WDR44: variants seen among roughly 807,000 people sequenced by gnomAD.
WDR44 encodes the protein WD repeat-containing protein 44.
In WDR44, 9 loss-of-function variants were observed where a neutral mutation model predicts 65.7. That is an observed-to-expected ratio of 0.14 (90% CI 0.08 to 0.24). The LOEUF is 0.24. Ranked by LOEUF, WDR44 falls within the 10% of genes least tolerant of loss-of-function variation. The probability of loss-of-function intolerance (pLI) is 1.00; values close to 1 mark genes in which losing one functional copy is unlikely to be tolerated. For missense variants in WDR44, 425 were observed against 670.9 expected (o/e 0.63, Z 4.05); for synonymous variants, 220 against 235.2 (o/e 0.94, Z 0.59).
rs773358625 is a variant in WDR44 at position 118,362,048 on chromosome X, A to G, written c.77+15468A>G. Among the ~76,000 whole-genome samples the G allele has an allele frequency of 1.1e-4, 12 of 111,874 alleles. No homozygotes were observed. In the South Asian group the frequency reaches 4.5e-3, roughly 42 times the overall value. On this transcript the variant is annotated intron_variant, in intron 1 of 19. Coordinates refer to ENST00000254029, the MANE Select transcript of WDR44 (RefSeq NM_019045.5). ...CTTCTATTTGGGGAATCTAATCTAT[A>G]TAGGTTCTTAATACATACTTGCATT... is the stretch of plus-strand genomic sequence containing the variant.
intron 12 of WDR44, among the ~76,000 whole-genome samples, chrX:118,424,321 GTGTATATATATA>G (rs2057134877): frequency 1.6e-5 from 1 of 63,468 alleles, no homozygotes; most frequent in Admixed American, 2.1e-4. Context: ...ATGTGTGTGT[GTGTATATATATA>G]TATATATATA....
rs180716646 is a variant in WDR44 at position 118,434,002 on chromosome X, C to T, written c.1851+1108C>T. On this transcript the variant is annotated intron_variant, in intron 13 of 19. Coordinates refer to ENST00000254029, the MANE Select transcript of WDR44 (RefSeq NM_019045.5). ...TTAAAGGCGTATAGCTAGGGAGATACGGGAGTTTAGGTTCAAACCCTATGA... is the reference window on the plus strand; with the variant it reads ...TTAAAGGCGTATAGCTAGGGAGATATGGGAGTTTAGGTTCAAACCCTATGA... 5.6e-3 allele frequency among the ~76,000 whole-genome samples: 632 copies of T among 111,915 alleles called. 3 individuals are homozygous for T. Among genetic ancestry groups the T allele is most frequent in the African/African-American group, 0.019 (598 of 30,883 alleles).
At chrX:118,395,981 C>T (rs1394292944) in intron 6 of WDR44, among the ~76,000 whole-genome samples, 2 of 110,653 alleles carry the variant, frequency 1.8e-5, no homozygotes, top group Admixed American at 1.9e-4. Flanking sequence ...GAGATCACAC[C>T]ACTGCACTCC....
At chrX:118,408,416 G>A (rs1437542562) in intron 10 of WDR44, among the ~76,000 whole-genome samples, 1 of 99,622 alleles carries the variant, frequency 1.0e-5, no homozygotes, top group African/African-American at 3.6e-5. Context: ...TTTTCTTTTT[G>A]TGGCAGAGTC....
intron 5 of WDR44, 92 bp downstream of exon 5, chrX:118,394,277 G>C: frequency 8.8e-7 from 1 of 1,132,426 alleles, no homozygotes; most frequent in South Asian, 2.1e-5. Flanking sequence ...CTCCAGGCCA[G>C]ATTTTTCTTT....
chrX:118,430,506 C>T (rs1270198417), intron 12 of WDR44, among the ~76,000 whole-genome samples: 3 of 104,253 alleles, frequency 2.9e-5, no homozygotes, highest in Non-Finnish European at 5.8e-5. Context: ...TGCACCACTG[C>T]ACTCCAGCCT....
intron 2 of WDR44, among the ~76,000 whole-genome samples, chrX:118,386,956 T>C (rs773829525): frequency 1.8e-5 from 2 of 110,051 alleles, no homozygotes; most frequent in South Asian, 7.8e-4. Flanking sequence ...CTGAGGTGGG[T>C]AGATCACTTG....
chrX:118,442,767 A>C (rs755559037), intron 17 of WDR44, 87 bp downstream of exon 17: 1 of 733,908 alleles, frequency 1.4e-6, no homozygotes, highest in Non-Finnish European at 2.1e-6. Flanking sequence ...CTTATGTTTA[A>C]TGGGGTTCTT....
intron 8 of WDR44, 78 bp downstream of exon 8, chrX:118,398,548 T>C (rs2056885746): frequency 1.2e-6 from 1 of 854,784 alleles, no homozygotes; most frequent in African/African-American, 2.0e-5. Context: ...CTATTTTAAA[T>C]CATGCTCCAT....
chrX:118,395,797 C>T (rs1435354681), intron 6 of WDR44, among the ~76,000 whole-genome samples: 2 of 111,300 alleles, frequency 1.8e-5, no homozygotes, highest in Non-Finnish European at 3.8e-5. Context: ...CCAAGGTGGG[C>T]AGGTCACTTG....
chrX:118,439,820 A>T (rs1040093102), intron 14 of WDR44, among the ~76,000 whole-genome samples: 12 of 103,849 alleles, frequency 1.2e-4, no homozygotes, highest in African/African-American at 4.6e-4. Flanking sequence ...AGGAAAAAAA[A>T]AGAAGAAGAA....
At chrX:118,432,107 T>TA (rs1352410036) in intron 12 of WDR44, among the ~76,000 whole-genome samples, 1 of 112,063 alleles carries the variant, frequency 8.9e-6, no homozygotes, top group African/African-American at 3.2e-5. Flanking sequence ...GAAAATGGCT[T>TA]AAACAATGAG....
rs189909969 is a variant in WDR44 at position 118,401,889 on chromosome X, G to T, written c.1275-2449G>T. ...GATCCAGTTTCAGCTTTCTACATAT[G>T]GCTAGCCAATCCAGAAATCAGTTTT... On this transcript the variant is annotated intron_variant, in intron 8 of 19. Coordinates refer to ENST00000254029, the MANE Select transcript of WDR44 (RefSeq NM_019045.5). 2.5e-3 allele frequency among the ~76,000 whole-genome samples: 275 copies of T among 110,291 alleles called. 2 individuals carry two copies. The highest frequency in any genetic ancestry group is 2.7e-3 in the Admixed American group (28 of 10,244).
At chrX:118,427,347 T>C (rs1281283909) in intron 12 of WDR44, among the ~76,000 whole-genome samples, 1 of 106,279 alleles carries the variant, frequency 9.4e-6, no homozygotes, top group Non-Finnish European at 1.9e-5. Flanking sequence ...CTCTGCTCAC[T>C]GCAAGCTCCG....
At chrX:118,388,285 T>G (rs1395899762) in intron 3 of WDR44, among the ~76,000 whole-genome samples, 1 of 108,594 alleles carries the variant, frequency 9.2e-6, no homozygotes, top group African/African-American at 3.4e-5. Context: ...ATGGACTACA[T>G]TTTTTTTTTA....
chrX:118,360,083 C>A (rs753951572), intron 1 of WDR44, among the ~76,000 whole-genome samples: 27 of 111,761 alleles, frequency 2.4e-4, no homozygotes, highest in African/African-American at 8.1e-4. Context: ...TGGTAGTAGT[C>A]AACTTAAAAT....
chrX:118,354,279 A>T, intron 1 of WDR44, among the ~76,000 whole-genome samples: 1 of 110,103 alleles, frequency 9.1e-6, no homozygotes, highest in East Asian at 2.9e-4. Flanking sequence ...TTAGTTGGAC[A>T]TGATGGTGCA....
At chrX:118,414,491 A>G (rs2147725383) in intron 12 of WDR44, among the ~76,000 whole-genome samples, 1 of 111,017 alleles carries the variant, frequency 9.0e-6, no homozygotes, top group South Asian at 3.8e-4. Context: ...TTTTCACAAT[A>G]TTGATTCTAC....
intron 12 of WDR44, among the ~76,000 whole-genome samples, chrX:118,426,735 T>A (rs189854189): frequency 9.1e-6 from 1 of 109,617 alleles, no homozygotes; most frequent in Admixed American, 9.8e-5. Flanking sequence ...AATATATGTA[T>A]ATAACATTTT....
Sources: allele counts gnomAD v4.1 joint callset (sites outside exome capture counted in the v4.1 genomes callset), GRCh38; gene constraint gnomAD v4.1.1; transcripts MANE v1.5; gene names NCBI Gene and HGNC (gene_info 2026-07-23, HGNC 2026-07-21).